Variants in DGCR8 observed in about 807,000 individuals in gnomAD.
DGCR8 encodes the protein microprocessor complex subunit DGCR8.
A neutral mutation model predicts 78.5 loss-of-function variants in DGCR8; 14 were observed. The ratio of observed to expected loss-of-function variants is 0.18; its 90% CI spans 0.12 to 0.28. The LOEUF (loss-of-function observed/expected upper bound fraction) is 0.28, where lower values mean the gene tolerates loss of function less well. DGCR8 is among the 10% of genes least tolerant of loss of function. The probability of loss-of-function intolerance (pLI) is 1.00; values close to 1 mark genes in which losing one functional copy is unlikely to be tolerated. For synonymous variants in DGCR8, 399 were observed against 402.4 expected, an observed-to-expected ratio of 0.99 and a Z score of 0.10; for missense variants, 702 against 1,022.5, an observed-to-expected ratio of 0.69 and a Z score of 4.28.
chr22:20,104,758 C>T (rs1011115440), intron 9 of DGCR8, among the ~76,000 whole-genome samples: 1 of 152,234 alleles, frequency 6.6e-6, no homozygotes. Context: ...AGCCATACCT[C>T]GAGGATTTTT....
intron 13 of DGCR8, 83 bp from the exon 14 acceptor site, chr22:20,109,942 T>G: frequency 1.5e-6 from 2 of 1,362,628 alleles, no homozygotes; most frequent in Non-Finnish European, 1.0e-6. Flanking sequence ...CATGATCTGC[T>G]GGGCTCTCCC....
intron 8 of DGCR8, 66 bp from the exon 9 acceptor site, chr22:20,094,647 C>T (rs966527535): frequency 4.9e-6 from 7 of 1,421,040 alleles, no homozygotes; most frequent in Non-Finnish European, 7.0e-6. Flanking sequence ...GTGCACAGTT[C>T]ACTCTGCAGG....
At position 20,092,722 on chromosome 22, in the gene DGCR8, C is replaced by T. The variant is rs531821525; in HGVS notation, c.1607-87C>T. Reference sequence around the variant, plus strand: ...TCTCTGCAGGGACAGCCCCTGACTGCGCCTTGTCTGTCGGTGTGGGCAGAC... The same window carrying T: ...TCTCTGCAGGGACAGCCCCTGACTGTGCCTTGTCTGTCGGTGTGGGCAGAC... On this transcript the variant is annotated intron_variant, in intron 7 of 13. Coordinates refer to ENST00000351989, the MANE Select transcript of DGCR8 (RefSeq NM_022720.7). The T allele has an allele frequency of 3.7e-5, 43 of 1,163,190 alleles. 1 individual carries two copies. The East Asian group carries it at 7.5e-4, about 20-fold the overall frequency. 72.1% of individuals were successfully genotyped at this position (1,163,190 alleles called of 1,614,324 possible). A position where few individuals can be genotyped will look rare whatever the true frequency, so the allele number is the denominator to read the frequency against.
At chr22:20,091,773 G>A in intron 6 of DGCR8, 96 bp from the exon 7 acceptor site, 8 of 1,483,516 alleles carry the variant, frequency 5.4e-6, no homozygotes, top group East Asian at 2.3e-5. Context: ...CCACATTCAC[G>A]GTCGTGAGCC....
chr22:20,099,661 G>A (rs1243626781), intron 9 of DGCR8, among the ~76,000 whole-genome samples: 1 of 152,206 alleles, frequency 6.6e-6, no homozygotes, highest in African/African-American at 2.4e-5. Context: ...GGTTCTGAAA[G>A]AATTAATTCT....
rs557013793 is a variant in DGCR8, at chr22:20,090,333, T to C, written c.1306+75T>C. On this transcript the variant is annotated intron_variant, in intron 5 of 13. Transcript: ENST00000351989. ...TTTGTTTTTCTAATGAAGGCCATAA[T>C]TGTTCATAGTTCCTAGTTGTACTTG... is the stretch of plus-strand genomic sequence containing the variant. 107 of 1,478,552 alleles carry C rather than the reference T, an allele frequency of 7.2e-5. No individual in the cohort carries two copies. The South Asian group carries it at 7.8e-4, about 11-fold the overall frequency. The allele number at this position is 1,478,552 out of a possible 1,614,324, so 91.6% of individuals were successfully genotyped here. A position where few individuals can be genotyped will look rare whatever the true frequency, so the allele number is the denominator to read the frequency against.
At position 20,086,121 on chromosome 22, in the gene DGCR8, C is replaced by T; in HGVS notation, c.158C>T (p.Ser53Phe). 3 of 1,614,178 alleles carry T rather than the reference C, an allele frequency of 1.9e-6. No individual in the cohort carries two copies. Among genetic ancestry groups the T allele is most frequent in the Non-Finnish European group, 2.5e-6 (3 of 1,180,040 alleles). ...GGTGCAGAGGTAATGGACGTTGGCT[C>T]TGGTGGTGATGGACAGTCCGAACTC... is the stretch of plus-strand genomic sequence containing the variant. ...SSGAEVMDVGSGGDGQSELPA... is the reference protein window; with the variant it reads ...SSGAEVMDVGFGGDGQSELPA... The change falls in exon 2 of 14, where the codon TCT becomes TTT. Residue 53 changes from serine to phenylalanine, a missense_variant. Ser to Phe is a radical substitution (Grantham distance 155). Transcript: ENST00000351989. The surrounding 1 kb of genome is among the most constrained non-coding windows in gnomAD (Gnocchi z 6.4).
At chr22:20,101,140 C>A in intron 9 of DGCR8, 1 of 946,346 alleles carries the variant, frequency 1.1e-6, no homozygotes, top group Non-Finnish European at 1.3e-6. Flanking sequence ...AAACCTAGCA[C>A]TCAGGAAATC....
chr22:20,093,353 T>G (rs1408001787), intron 8 of DGCR8, among the ~76,000 whole-genome samples: 1 of 151,600 alleles, frequency 6.6e-6, no homozygotes, highest in East Asian at 1.9e-4. Context: ...TGCAGTGAGC[T>G]GAGATCGTGC....
At position 20,086,955 on chromosome 22, in the gene DGCR8, G is replaced by T; in HGVS notation, c.721-207G>T. 1.3e-6 allele frequency: 1 copy of T among 759,326 alleles called. No individual in the cohort carries two copies. Among genetic ancestry groups the T allele is most frequent in the Non-Finnish European group, 2.1e-6 (1 of 483,234 alleles). The allele number at this position is 759,326 out of a possible 1,614,324, so 47.0% of individuals were successfully genotyped here. On this transcript the variant is annotated intron_variant, in intron 2 of 13. Coordinates refer to ENST00000351989, the MANE Select transcript of DGCR8 (RefSeq NM_022720.7). The surrounding 1 kb of genome is among the most constrained non-coding windows in gnomAD (Gnocchi z 6.4). ...AGGTGCTGCTGAGTTACGCTCCTTG[G>T]CAGTGTGTGCCCCTGGACCAGGTGT...
At chr22:20,093,607 G>C (rs1366242117) in intron 8 of DGCR8, among the ~76,000 whole-genome samples, 1 of 152,178 alleles carries the variant, frequency 6.6e-6, no homozygotes, top group African/African-American at 2.4e-5. Flanking sequence ...CATGCTGTTG[G>C]CATCCTCCCC....
rs756005008 is a variant in DGCR8 at position 20,085,668 on chromosome 22, T to C, written c.-277-19T>C. On this transcript the variant is annotated intron_variant, in intron 1 of 13. Transcript: ENST00000351989. The surrounding 1 kb of genome is among the most constrained non-coding windows in gnomAD (Gnocchi z 6.2). Reference sequence around the variant, plus strand: ...AGGTTTCTGTCATTTTGTGACGATATTTTTAAATTTCTTTGCAGGTAGAAG... The same window carrying C: ...AGGTTTCTGTCATTTTGTGACGATACTTTTAAATTTCTTTGCAGGTAGAAG... The C allele has an allele frequency of 1.6e-6, 2 of 1,286,384 alleles. No individual in the cohort carries two copies. Among genetic ancestry groups the C allele is most frequent in the Non-Finnish European group, 2.0e-6 (2 of 1,020,854 alleles). 79.7% of individuals were successfully genotyped at this position (1,286,384 alleles called of 1,614,324 possible).
intron 9 of DGCR8, among the ~76,000 whole-genome samples, 156 bp from the exon 10 acceptor site, chr22:20,106,021 T>C (rs182773277): frequency 1.3e-5 from 2 of 152,250 alleles, no homozygotes; most frequent in East Asian, 3.9e-4. Context: ...GAGCATGTCT[T>C]GTACCCGGTG....
chr22:20,082,275 G>T (rs1468086355), intron 1 of DGCR8, among the ~76,000 whole-genome samples: 1 of 151,608 alleles, frequency 6.6e-6, no homozygotes, highest in Non-Finnish European at 1.5e-5. Flanking sequence ...GGCCAGGCTG[G>T]TCTCGAACTC....
At chr22:20,083,706 C>T (rs1461446693) in intron 1 of DGCR8, among the ~76,000 whole-genome samples, 1 of 152,116 alleles carries the variant, frequency 6.6e-6, no homozygotes, top group Admixed American at 6.6e-5. Context: ...TCACCAGGGT[C>T]TCTATGGGAC....
chr22:20,101,776 C>T (rs1307985366), intron 9 of DGCR8: 2 of 985,246 alleles, frequency 2.0e-6, no homozygotes, highest in African/African-American at 1.7e-5. Flanking sequence ...CTGCTCCTCC[C>T]AGCTGCCTGT....
At chr22:20,096,679 T>C (rs528258326) in intron 9 of DGCR8, 1 of 163,572 alleles carries the variant, frequency 6.1e-6, no homozygotes, top group East Asian at 1.9e-4. Flanking sequence ...CCCTCTTAGT[T>C]CTCTCCAACC....
rs1363775412 is a variant in DGCR8 at position 20,089,557 on chromosome 22, G to A, written c.881-112G>A. The A allele has an allele frequency of 8.5e-7, 1 of 1,175,692 alleles. No homozygotes were observed. Among genetic ancestry groups the A allele is most frequent in the Non-Finnish European group, 1.2e-6 (1 of 814,052 alleles). 72.8% of individuals were successfully genotyped at this position (1,175,692 alleles called of 1,614,324 possible). A position where few individuals can be genotyped will look rare whatever the true frequency, so the allele number is the denominator to read the frequency against. ...GAGAGGAATTTCGATTATCTGTGAA[G>A]ACCCAGTTAAACACATGCTAGTACC... On this transcript the variant is annotated intron_variant, in intron 3 of 13. Coordinates refer to ENST00000351989, the MANE Select transcript of DGCR8 (RefSeq NM_022720.7). The surrounding 1 kb of genome is among the most constrained non-coding windows in gnomAD (Gnocchi z 4.9).
Position 20,085,953 on chromosome 22 carries a change from G to T in DGCR8, c.-11G>T, listed in dbSNP as rs2147915183. On this transcript the variant is annotated 5_prime_UTR_variant, in exon 2 of 14. Transcript: ENST00000351989. This position sits in a 1 kb window ranked among gnomAD's most constrained non-coding sequence, Gnocchi z 6.2. Reference sequence around the variant, plus strand: ...CTCTGGTCTTGTAAACTAGTCTTAAGCGCTTTTAATATGGAGACAGATGAG... The same window carrying T: ...CTCTGGTCTTGTAAACTAGTCTTAATCGCTTTTAATATGGAGACAGATGAG... The T allele has an allele frequency of 6.5e-7, 1 of 1,548,746 alleles. No homozygotes were observed. The highest frequency in any genetic ancestry group is 1.2e-5 in the South Asian group (1 of 82,350).
Sources: allele counts gnomAD v4.1 joint callset (sites outside exome capture counted in the v4.1 genomes callset), GRCh38; gene constraint gnomAD v4.1.1; non-coding constraint Gnocchi (gnomAD v3.1); transcripts MANE v1.5; gene names NCBI Gene and HGNC (gene_info 2026-07-23, HGNC 2026-07-21).